Variants in CAMK2D observed in about 807,000 individuals in gnomAD.
The protein encoded by CAMK2D is calcium/calmodulin dependent protein kinase II delta.
In CAMK2D, 37 loss-of-function variants were observed where a neutral mutation model predicts 84.0. The observed-to-expected ratio is 0.44, with a 90% CI of 0.34 to 0.58. The LOEUF (loss-of-function observed/expected upper bound fraction) is 0.58, where lower values mean the gene tolerates loss of function less well. Ranked by LOEUF, CAMK2D falls within the 20% of genes least tolerant of loss-of-function variation. The pLI is 0.02. For missense variants in CAMK2D, 448 were observed against 652.5 expected, an observed-to-expected ratio of 0.69 and a Z score of 3.41; for synonymous variants, 202 against 212.5, an observed-to-expected ratio of 0.95 and a Z score of 0.43.
intron 16 of CAMK2D, among the ~76,000 whole-genome samples, chr4:113,477,153 C>T (rs2097638488): frequency 6.6e-6 from 1 of 152,146 alleles, no homozygotes; most frequent in African/African-American, 2.4e-5. Context: ...TGAGAAGAAT[C>T]CATTGGGCTG....
chr4:113,731,259 G>T (rs1382684594), intron 2 of CAMK2D, among the ~76,000 whole-genome samples: 1 of 152,116 alleles, frequency 6.6e-6, no homozygotes, highest in Non-Finnish European at 1.5e-5. Context: ...GTCAATGACC[G>T]CAGGCCATTC....
chr4:113,592,134 A>T (rs2098891184), intron 4 of CAMK2D, among the ~76,000 whole-genome samples: 1 of 152,178 alleles, frequency 6.6e-6, no homozygotes, highest in Non-Finnish European at 1.5e-5. Context: ...GTTGTGGTTA[A>T]CTGCAAGCCG....
At chr4:113,503,100 G>A (rs2154152384) in intron 14 of CAMK2D, 123 bp from the exon 15 acceptor site, 2 of 770,430 alleles carry the variant, frequency 2.6e-6, no homozygotes, top group East Asian at 2.5e-5. Context: ...CTAAAGCGAT[G>A]TTAACTGCTG....
intron 4 of CAMK2D, among the ~76,000 whole-genome samples, chr4:113,590,362 C>T (rs905552940): frequency 6.6e-6 from 1 of 152,058 alleles, no homozygotes; most frequent in Non-Finnish European, 1.5e-5. Flanking sequence ...ATATATCAGA[C>T]ACAGAAGAAA....
chr4:113,470,508 C>T (rs189800733), intron 16 of CAMK2D, among the ~76,000 whole-genome samples: 24 of 152,050 alleles, frequency 1.6e-4, no homozygotes, highest in Non-Finnish European at 1.3e-4. Flanking sequence ...TGTGGTGGCA[C>T]GCACATGTAG....
intron 2 of CAMK2D, among the ~76,000 whole-genome samples, chr4:113,751,074 G>A (rs2149059283): frequency 6.6e-6 from 1 of 152,142 alleles, no homozygotes; most frequent in East Asian, 1.9e-4. Context: ...TTGGGATGGT[G>A]AAAAGGAAGA....
intron 9 of CAMK2D, among the ~76,000 whole-genome samples, chr4:113,515,546 A>ATAAT (rs1193325198): frequency 6.6e-6 from 1 of 152,186 alleles, no homozygotes; most frequent in Non-Finnish European, 1.5e-5. Context: ...AATCTTTCTC[A>ATAAT]TAATTATTTG....
chr4:113,568,002 C>T (rs1205563261), intron 4 of CAMK2D, among the ~76,000 whole-genome samples: 1 of 152,086 alleles, frequency 6.6e-6, no homozygotes, highest in African/African-American at 2.4e-5. Flanking sequence ...ATACTTAAAC[C>T]ATAAGATTTA....
chr4:113,506,246 A>T (rs1403157435), intron 13 of CAMK2D, among the ~76,000 whole-genome samples: 1 of 152,194 alleles, frequency 6.6e-6, no homozygotes, highest in Non-Finnish European at 1.5e-5. Context: ...GGAAGATAGA[A>T]AGTAACATAA....
intron 4 of CAMK2D, among the ~76,000 whole-genome samples, chr4:113,586,372 T>C (rs890121713): frequency 4.6e-5 from 7 of 152,170 alleles, no homozygotes; most frequent in African/African-American, 1.4e-4. Context: ...TGGGCCACCA[T>C]TGAGCAACAT....
chr4:113,481,173 A>G (rs1435385692), intron 16 of CAMK2D, among the ~76,000 whole-genome samples: 1 of 152,208 alleles, frequency 6.6e-6, no homozygotes, highest in Non-Finnish European at 1.5e-5. Context: ...TTGTAAACTG[A>G]TCACAATTTC....
intron 2 of CAMK2D, among the ~76,000 whole-genome samples, chr4:113,712,678 C>A (rs974738871): frequency 6.6e-6 from 1 of 151,718 alleles, no homozygotes; most frequent in Non-Finnish European, 1.5e-5. Flanking sequence ...AATTTAAATT[C>A]TAGTGAAAGT....
At chr4:113,703,687 T>C (rs776046478) in intron 2 of CAMK2D, among the ~76,000 whole-genome samples, 2 of 152,168 alleles carry the variant, frequency 1.3e-5, no homozygotes, top group East Asian at 3.8e-4. Flanking sequence ...AAAATCAAAA[T>C]TTTTTAAGTT....
intron 3 of CAMK2D, among the ~76,000 whole-genome samples, chr4:113,644,163 G>T (rs377515956): frequency 1.9e-4 from 29 of 152,260 alleles, no homozygotes; most frequent in African/African-American, 7.0e-4. Flanking sequence ...TTTTGAGAAA[G>T]ATGGGGAAAC....
intron 10 of CAMK2D, 30 bp from the exon 11 acceptor site, chr4:113,513,943 T>C (rs1421685784): frequency 2.8e-6 from 3 of 1,065,572 alleles, no homozygotes; most frequent in Non-Finnish European, 4.3e-6. Context: ...AGTAACTTAA[T>C]TGAGAATATT....
intron 8 of CAMK2D, among the ~76,000 whole-genome samples, chr4:113,523,407 T>G (rs2098386888): frequency 3.3e-5 from 5 of 152,126 alleles, no homozygotes; most frequent in Admixed American, 3.3e-4. Flanking sequence ...TTTTAAATTA[T>G]GCTAAAAATA....
At chr4:113,642,608 G>A (rs747295081) in intron 3 of CAMK2D, among the ~76,000 whole-genome samples, 10 of 152,160 alleles carry the variant, frequency 6.6e-5, no homozygotes, top group Non-Finnish European at 1.3e-4. Flanking sequence ...CCTTTTTTGG[G>A]CAACAATAGC....
chr4:113,476,604 C>T (rs910799368), intron 16 of CAMK2D, among the ~76,000 whole-genome samples: 2 of 152,094 alleles, frequency 1.3e-5, no homozygotes, highest in Admixed American at 1.3e-4. Flanking sequence ...AATAAAAGGC[C>T]ACAAGGTTAG....
At chr4:113,572,106 A>G (rs976503063) in intron 4 of CAMK2D, among the ~76,000 whole-genome samples, 4 of 152,058 alleles carry the variant, frequency 2.6e-5, no homozygotes, top group Non-Finnish European at 4.4e-5. Context: ...ACTATTTGTT[A>G]TTTTAAAAGA....
Sources: allele counts gnomAD v4.1 joint callset (sites outside exome capture counted in the v4.1 genomes callset), GRCh38; gene constraint gnomAD v4.1.1; transcripts MANE v1.5; gene names NCBI Gene and HGNC (gene_info 2026-07-23, HGNC 2026-07-21).